IDE: variants seen among roughly 807,000 people sequenced by gnomAD.
IDE encodes the protein insulin degrading enzyme.
In IDE, 58 loss-of-function variants were observed where a neutral mutation model predicts 133.2. That is an observed-to-expected ratio of 0.44 (90% confidence interval 0.35 to 0.54). IDE has a LOEUF of 0.54. IDE is among the 20% of genes least tolerant of loss of function. The probability of loss-of-function intolerance (pLI) is 0.00; values close to 1 mark genes in which losing one functional copy is unlikely to be tolerated. For missense variants in IDE, 981 were observed against 1,234.0 expected (o/e 0.79, Z 3.07); for synonymous variants, 396 against 421.3 (o/e 0.94, Z 0.73).
At position 92,552,857 on chromosome 10, in the gene IDE, CAA is replaced by C. The variant is rs71028827; in HGVS notation, c.99-15309_99-15308del. ...TGGGTGACAGAGTAAGACTCAGTCT[CAA>C]AAAAAAAAAAAAAAAAAAATTATTT... On this transcript the variant is annotated intron_variant, in intron 1 of 24. Transcript: ENST00000265986. 2.5e-3 allele frequency among the ~76,000 whole-genome samples: 123 copies of C among 49,384 alleles called. 1 individual carries two copies. The highest frequency in any genetic ancestry group is 0.01 in the African/African-American group (97 of 9,342). 32.4% of individuals were successfully genotyped at this position (49,384 alleles called of 152,430 possible).
chr10:92,468,984 A>T lies in IDE; in HGVS notation c.2215T>A (p.Leu739Ile). The T allele has an allele frequency of 6.4e-7, 1 of 1,569,388 alleles. No individual in the cohort carries two copies. The highest frequency in any genetic ancestry group is 8.8e-7 in the Non-Finnish European group (1 of 1,139,390). Residue 739 changes from leucine (L) to isoleucine (I), a missense_variant, in exon 19 of 25, where the codon TTA (leucine) becomes ATA (isoleucine). Physicochemically the swap from Leu to Ile is conservative, Grantham distance 5. Transcript: ENST00000265986. ...TCTTCAACCATCTGCATAATTCCTA[A>T]TGCAGCCTATGGAAAAAGATATGTC... The part of the protein sequence containing the change: ...LHGNITKQAA[L>I]GIMQMVEDTL...
At chr10:92,517,799 C>T (rs1205992785) in intron 4 of IDE, among the ~76,000 whole-genome samples, 1 of 152,026 alleles carries the variant, frequency 6.6e-6, no homozygotes, top group Admixed American at 6.6e-5. Context: ...GCCTATCATC[C>T]CAGCTACTCA....
At chr10:92,501,236 C>T (rs1847988913) in intron 11 of IDE, among the ~76,000 whole-genome samples, 1 of 150,758 alleles carries the variant, frequency 6.6e-6, no homozygotes, top group Admixed American at 6.6e-5. Flanking sequence ...GTGGCACATG[C>T]CTGTAATCCC....
intron 1 of IDE, among the ~76,000 whole-genome samples, chr10:92,545,984 T>C (rs1169485869): frequency 6.6e-6 from 1 of 152,130 alleles, no homozygotes; most frequent in Non-Finnish European, 1.5e-5. Context: ...CTATTCAAAC[T>C]AGCCCAAACC....
At chr10:92,508,627 C>CATCTA (rs1848429668) in intron 7 of IDE, 101 bp downstream of exon 7, 1 of 1,084,604 alleles carries the variant, frequency 9.2e-7, no homozygotes, top group African/African-American at 1.6e-5. Flanking sequence ...AAAATGGTCA[C>CATCTA]ATCTAACAAT....
intron 24 of IDE, 34 bp downstream of exon 24, chr10:92,455,542 T>C (rs751489134): frequency 7.9e-7 from 1 of 1,270,770 alleles, no homozygotes; most frequent in Non-Finnish European, 1.1e-6. Flanking sequence ...AAGTCCTCTG[T>C]CAGTACAATC....
intron 1 of IDE, chr10:92,559,281 G>A (rs1346028158): frequency 3.9e-5 from 6 of 152,178 alleles, no homozygotes; most frequent in Non-Finnish European, 8.8e-5. Context: ...ATATCCCCAA[G>A]AGAAACGAAA....
At chr10:92,476,232 G>A (rs531394670) in intron 15 of IDE, among the ~76,000 whole-genome samples, 43 of 150,876 alleles carry the variant, frequency 2.9e-4, no homozygotes, top group Middle Eastern at 3.4e-3. Flanking sequence ...GGAGTGCAAC[G>A]GCACGATTTC....
At chr10:92,521,883 T>C (rs971325498) in intron 4 of IDE, among the ~76,000 whole-genome samples, 3 of 152,070 alleles carry the variant, frequency 2.0e-5, no homozygotes, top group Admixed American at 2.0e-4. Context: ...TGAATTGCTA[T>C]GTTTTAGAGA....
chr10:92,505,355 A>G (rs1417672504), intron 10 of IDE, among the ~76,000 whole-genome samples: 2 of 152,230 alleles, frequency 1.3e-5, no homozygotes, highest in Admixed American at 6.5e-5. Context: ...TGGAAAAAAA[A>G]ATGGCTTATA....
intron 1 of IDE, among the ~76,000 whole-genome samples, chr10:92,538,424 C>T (rs533623171): frequency 4.1e-4 from 62 of 152,340 alleles, no homozygotes; most frequent in Non-Finnish European, 8.2e-4. Context: ...GAGACCGGTG[C>T]TGTCCTATGA....
intron 13 of IDE, among the ~76,000 whole-genome samples, chr10:92,485,978 A>C (rs1846969933): frequency 6.6e-6 from 1 of 151,974 alleles, no homozygotes; most frequent in Non-Finnish European, 1.5e-5. Context: ...TAAGATAAAC[A>C]ATACATAAAA....
chr10:92,479,264 C>A lies in IDE; in HGVS notation c.1884+13G>T. Reference sequence around the variant, plus strand: ...TGTTGATGAGTGGAAGGCTCTAAGGCGTGGGTACTTACATACATCCCATAG... The same window carrying A: ...TGTTGATGAGTGGAAGGCTCTAAGGAGTGGGTACTTACATACATCCCATAG... On this transcript the variant is annotated intron_variant, in intron 15 of 24. Coordinates refer to ENST00000265986, the MANE Select transcript of IDE (RefSeq NM_004969.4). 11 of 1,591,390 alleles carry A rather than the reference C, an allele frequency of 6.9e-6. No individual in the cohort carries two copies. The highest frequency in any genetic ancestry group is 1.3e-5 in the African/African-American group (1 of 74,650).
chr10:92,485,125 C>CTTTCT (rs371286432), intron 13 of IDE, among the ~76,000 whole-genome samples: 213 of 100,848 alleles, frequency 2.1e-3, no homozygotes, highest in African/African-American at 5.2e-3. Flanking sequence ...TTCTTTCTTT[C>CTTTCT]TTTTTTTTTT....
rs542953651 is a variant in IDE at position 92,486,158 on chromosome 10, G to A, written c.1656+1038C>T. Reference sequence around the variant, plus strand: ...GAGGTCAAGAGTTCGAGGCCAGCCTGGCTAACATGGTGAAACCCTGTCTCT... The same window carrying A: ...GAGGTCAAGAGTTCGAGGCCAGCCTAGCTAACATGGTGAAACCCTGTCTCT... On this transcript the variant is annotated intron_variant, in intron 13 of 24. Coordinates refer to ENST00000265986, the MANE Select transcript of IDE (RefSeq NM_004969.4). Among the ~76,000 whole-genome samples the A allele has an allele frequency of 1.4e-4, 22 of 152,216 alleles. No individual in the cohort carries two copies. The South Asian group carries it at 4.1e-3, about 29-fold the overall frequency.
intron 19 of IDE, among the ~76,000 whole-genome samples, chr10:92,466,071 A>C (rs1192278270): frequency 6.6e-6 from 1 of 151,832 alleles, no homozygotes; most frequent in Non-Finnish European, 1.5e-5. Context: ...GTTCCCTCTC[A>C]TCAGAAGGAG....
At chr10:92,486,990 T>C (rs929016939) in intron 13 of IDE, among the ~76,000 whole-genome samples, 2 of 152,236 alleles carry the variant, frequency 1.3e-5, no homozygotes, top group Non-Finnish European at 2.9e-5. Context: ...CCCTAGATTC[T>C]ACACTGTTTA....
At chr10:92,465,455 T>C (rs1845631516) in intron 20 of IDE, among the ~76,000 whole-genome samples, 1 of 152,202 alleles carries the variant, frequency 6.6e-6, no homozygotes, top group African/African-American at 2.4e-5. Context: ...TTGACATGTA[T>C]GTAATATGCA....
At chr10:92,524,184 T>C (rs1165433367) in intron 4 of IDE, among the ~76,000 whole-genome samples, 1 of 146,130 alleles carries the variant, frequency 6.8e-6, no homozygotes, top group Non-Finnish European at 1.5e-5. Context: ...GTGGCAGGCA[T>C]GTAATCCCAG....
Sources: gnomAD v4.1 joint callset for allele counts (sites outside exome capture counted in the v4.1 genomes callset) on GRCh38, gnomAD v4.1.1 for gene constraint, MANE v1.5 for transcripts, NCBI Gene and HGNC (gene_info 2026-07-23, HGNC 2026-07-21) for gene names.